The following CNIH1 variants were observed in gnomAD, a reference collection of about 807,000 sequenced individuals.
CNIH1 encodes protein cornichon homolog 1.
CNIH1 carries 12 observed loss-of-function variants against 20.2 expected under a neutral mutation model. That is an observed-to-expected ratio of 0.59 (90% CI 0.38 to 0.96). The LOEUF (loss-of-function observed/expected upper bound fraction) is 0.96, where lower values mean the gene tolerates loss of function less well. CNIH1 is among the 40% of genes least tolerant of loss of function. The probability of loss-of-function intolerance (pLI) is 0.00; values close to 1 mark genes in which losing one functional copy is unlikely to be tolerated. For missense variants in CNIH1, 152 were observed against 178.8 expected, an observed-to-expected ratio of 0.85 and a Z score of 0.85; for synonymous variants, 69 against 63.3, an observed-to-expected ratio of 1.09 and a Z score of -0.43.
intron 4 of CNIH1, 33 bp downstream of exon 4, chr14:54,430,228 G>T (rs1385835605): frequency 1.2e-6 from 2 of 1,607,658 alleles, no homozygotes; most frequent in Non-Finnish European, 1.7e-6. Context: ...GCAGCAAAGT[G>T]AAAGCATATT....
Position 54,426,696 on chromosome 14 carries a change from G to C in CNIH1, c.*1118C>G, listed in dbSNP as rs79753247. On this transcript the variant is annotated 3_prime_UTR_variant, in exon 5 of 5. Transcript: ENST00000216416. ...AGTGCCACCATAATTTTTCTTAATT[G>C]GTAAGAGAAATGATGATGCTATGCC... The C allele has an allele frequency of 6.6e-6, 1 of 152,242 alleles. No homozygotes were observed. Among genetic ancestry groups the C allele is most frequent in the East Asian group, 1.9e-4 (1 of 5,186 alleles). The allele number at this position is 152,242 out of a possible 1,614,324, so 9.4% of individuals were successfully genotyped here. A position where few individuals can be genotyped will look rare whatever the true frequency, so the allele number is the denominator to read the frequency against.
At position 54,426,243 on chromosome 14, in the gene CNIH1, A is replaced by T. The variant is rs2030824677; in HGVS notation, c.*1571T>A. On this transcript the variant is annotated 3_prime_UTR_variant, in exon 5 of 5. Transcript: ENST00000216416. The stretch of plus-strand genomic sequence containing the variant: ...GAGTCTCTTCACTCTTCTGGTTCTA[A>T]ATCTCTTCCTCAACATACTCACCCC... The T allele has an allele frequency of 6.6e-6, 1 of 152,114 alleles. No homozygotes were observed. The allele number at this position is 152,114 out of a possible 1,614,324, so 9.4% of individuals were successfully genotyped here. A position where few individuals can be genotyped will look rare whatever the true frequency, so the allele number is the denominator to read the frequency against.
intron 1 of CNIH1, among the ~76,000 whole-genome samples, chr14:54,437,217 A>C (rs2031072269): frequency 6.6e-6 from 1 of 152,224 alleles, no homozygotes; most frequent in Admixed American, 6.5e-5. Context: ...GTGACAAAGA[A>C]AGAAAACAAA....
At chr14:54,437,450 A>G (rs1190854907) in intron 1 of CNIH1, among the ~76,000 whole-genome samples, 1 of 152,088 alleles carries the variant, frequency 6.6e-6, no homozygotes, top group African/African-American at 2.4e-5. Flanking sequence ...GGTTTTTTTA[A>G]TTTCTAGAGT....
At chr14:54,438,607 A>C (rs2031102890) in intron 1 of CNIH1, among the ~76,000 whole-genome samples, 1 of 152,256 alleles carries the variant, frequency 6.6e-6, no homozygotes, top group Non-Finnish European at 1.5e-5. Context: ...TTAGGACTAA[A>C]TTGACAGATA....
chr14:54,428,686 C>T (rs2030873984), intron 4 of CNIH1, among the ~76,000 whole-genome samples: 1 of 152,188 alleles, frequency 6.6e-6, no homozygotes, highest in African/African-American at 2.4e-5. Context: ...CCGTTCCAGA[C>T]ATTTGCTATG....
chr14:54,427,898 C>T, intron 4 of CNIH1, 57 bp from the exon 5 acceptor site: 1 of 1,546,940 alleles, frequency 6.5e-7, no homozygotes, highest in Non-Finnish European at 8.9e-7. Context: ...AAAAAAAACT[C>T]AGAGCATGAG....
intron 1 of CNIH1, chr14:54,436,833 T>A (rs750543557): frequency 2.3e-6 from 1 of 433,406 alleles, no homozygotes; most frequent in South Asian, 1.7e-5. Flanking sequence ...CTGCAGGCTT[T>A]CCTAACTCCT....
rs28538536 is a variant in CNIH1 at position 54,440,674 on chromosome 14, T to C, written c.81+573A>G. Among the ~76,000 whole-genome samples the C allele has an allele frequency of 7.6e-3, 1,162 of 152,218 alleles. 17 individuals carry two copies. Among genetic ancestry groups the C allele is most frequent in the African/African-American group, 0.026 (1,093 of 41,526 alleles). On this transcript the variant is annotated intron_variant, in intron 1 of 4. Coordinates refer to ENST00000216416, the MANE Select transcript of CNIH1 (RefSeq NM_005776.3). The stretch of plus-strand genomic sequence containing the variant: ...CACATGCAATCAACAAAGTAATCAA[T>C]TGAACTTGCATCAAAGTTCACCAGG...
Position 54,425,605 on chromosome 14 carries a change from T to C in CNIH1, c.*2209A>G, listed in dbSNP as rs942568280. On this transcript the variant is annotated 3_prime_UTR_variant, in exon 5 of 5. Coordinates refer to ENST00000216416, the MANE Select transcript of CNIH1 (RefSeq NM_005776.3). ...GTATTTCGTTTCTGCTTTCTCTTGG[T>C]AAGTGATCTAATTCATAAAACACTG... The C allele has an allele frequency of 6.6e-5, 10 of 152,224 alleles. No individual in the cohort carries two copies. Among genetic ancestry groups the C allele is most frequent in the Non-Finnish European group, 1.2e-4 (8 of 68,028 alleles). The allele number at this position is 152,224 out of a possible 1,614,324, so 9.4% of individuals were successfully genotyped here.
intron 3 of CNIH1, among the ~76,000 whole-genome samples, chr14:54,430,897 T>C (rs1251327035): frequency 1.3e-5 from 2 of 152,140 alleles, no homozygotes; most frequent in Non-Finnish European, 2.9e-5. Flanking sequence ...AGTGGTGCAA[T>C]CTTGGCTCAC....
At position 54,432,238 on chromosome 14, in the gene CNIH1, G is replaced by A. The variant is rs761226455; in HGVS notation, c.151-18C>T. 10 of 1,411,748 alleles carry A rather than the reference G, an allele frequency of 7.1e-6. No homozygotes were observed. The South Asian group carries it at 8.1e-5, about 11-fold the overall frequency. The allele number at this position is 1,411,748 out of a possible 1,614,324, so 87.5% of individuals were successfully genotyped here. On this transcript the variant is annotated intron_variant, in intron 2 of 4. Transcript: ENST00000216416. ...AGTACAAGCTGGAAGGAAAACACAA[G>A]CCAGTTATCAAAATGCCTCAGCATT...
chr14:54,439,698 C>G (rs2031130366), intron 1 of CNIH1, among the ~76,000 whole-genome samples: 1 of 151,972 alleles, frequency 6.6e-6, no homozygotes, highest in African/African-American at 2.4e-5. Flanking sequence ...TACAGGCGCC[C>G]ACCACCATGC....
intron 1 of CNIH1, 65 bp from the exon 2 acceptor site, chr14:54,436,502 A>G: frequency 2.5e-6 from 2 of 810,722 alleles, no homozygotes; most frequent in Admixed American, 4.4e-5. Flanking sequence ...AACCTGCCCC[A>G]TCTTCAAATA....
At chr14:54,431,408 G>GAGCCA (rs1443081990) in intron 3 of CNIH1, among the ~76,000 whole-genome samples, 2 of 152,190 alleles carry the variant, frequency 1.3e-5, no homozygotes, top group East Asian at 3.9e-4. Context: ...TTACAGGCGT[G>GAGCCA]AGCCACTGCG....
chr14:54,441,157 C>CGGCGGCCGT (rs2031166230), intron 1 of CNIH1, 90 bp downstream of exon 1: 1 of 1,314,894 alleles, frequency 7.6e-7, no homozygotes. Flanking sequence ...CGCAAAGCCC[C>CGGCGGCCGT]GGCGGCCGTG....
At position 54,425,040 on chromosome 14, in the gene CNIH1, G is replaced by A. The variant is rs1022323031; in HGVS notation, c.*2774C>T. The A allele has an allele frequency of 6.6e-6, 1 of 152,254 alleles. No individual in the cohort carries two copies. Among genetic ancestry groups the A allele is most frequent in the Non-Finnish European group, 1.5e-5 (1 of 68,004 alleles). The allele number at this position is 152,254 out of a possible 1,614,324, so 9.4% of individuals were successfully genotyped here. On this transcript the variant is annotated 3_prime_UTR_variant, in exon 5 of 5. Transcript: ENST00000216416. Reference sequence around the variant, plus strand: ...CCTCTACCCTGGAATGAGGAGTGAGGAATATCATTAAGCATTGAGAAAACT... The same window carrying A: ...CCTCTACCCTGGAATGAGGAGTGAGAAATATCATTAAGCATTGAGAAAACT...
intron 4 of CNIH1, among the ~76,000 whole-genome samples, chr14:54,428,955 A>C (rs1186462719): frequency 6.6e-6 from 1 of 152,214 alleles, no homozygotes; most frequent in African/African-American, 2.4e-5. Context: ...TATCTTAGCA[A>C]GTTTTCAAGT....
rs1303032785 is a variant in CNIH1 at position 54,425,520 on chromosome 14, T to C, written c.*2294A>G. On this transcript the variant is annotated 3_prime_UTR_variant, in exon 5 of 5. Transcript: ENST00000216416. ...ATAGGCTAGGGCCACCCCAAAGAGA[T>C]TGATGTGGAAAATAAATCCAGAGCA... The C allele has an allele frequency of 6.6e-6, 1 of 152,112 alleles. No homozygotes were observed. Among genetic ancestry groups the C allele is most frequent in the Non-Finnish European group, 1.5e-5 (1 of 68,022 alleles). The allele number at this position is 152,112 out of a possible 1,614,324, so 9.4% of individuals were successfully genotyped here. A position where few individuals can be genotyped will look rare whatever the true frequency, so the allele number is the denominator to read the frequency against.
Sources: gnomAD v4.1 joint callset for allele counts (sites outside exome capture counted in the v4.1 genomes callset) on GRCh38, gnomAD v4.1.1 for gene constraint, MANE v1.5 for transcripts, NCBI Gene and HGNC (gene_info 2026-07-23, HGNC 2026-07-21) for gene names.